The following ROBO2 variants were observed in gnomAD, a reference collection of about 807,000 sequenced individuals.
ROBO2 encodes roundabout homolog 2.
ROBO2 carries 53 observed loss-of-function variants against 160.8 expected under a neutral mutation model. That is an observed-to-expected ratio of 0.33 (90% CI 0.26 to 0.41). The LOEUF is 0.41. Ranked by LOEUF, ROBO2 falls within the 10% of genes least tolerant of loss-of-function variation. The pLI is 1.00. For missense variants in ROBO2, 1,577 were observed against 1,722.4 expected, an observed-to-expected ratio of 0.92 and a Z score of 1.49; for synonymous variants, 664 against 611.7, an observed-to-expected ratio of 1.09 and a Z score of -1.26.
At chr3:77,003,468 T>C (rs979855886) in intron 2 of ROBO2, among the ~76,000 whole-genome samples, 3 of 152,202 alleles carry the variant, frequency 2.0e-5, no homozygotes, top group African/African-American at 4.8e-5. Flanking sequence ...ACCATTAGTC[T>C]TTGTTTTTTT....
At chr3:76,613,685 G>T (rs549973231) in intron 2 of ROBO2, among the ~76,000 whole-genome samples, 1 of 151,788 alleles carries the variant, frequency 6.6e-6, no homozygotes, top group East Asian at 1.9e-4. Context: ...AAGGAGAGGG[G>T]CGTGAGTTAA....
At position 76,601,415 on chromosome 3, in the gene ROBO2, T is replaced by C. The variant is rs982123431; in HGVS notation, c.110-496599T>C. Among the ~76,000 whole-genome samples, 7 of 152,290 alleles carry C rather than the reference T, an allele frequency of 4.6e-5. No homozygotes were observed. In the East Asian group the frequency reaches 9.7e-4, roughly 21 times the overall value. On this transcript the variant is annotated intron_variant, in intron 2 of 26. Transcript: ENST00000487694. ...AGGTTTCCACCCTTGCAGCAAACTT[T>C]AGCCTGGGCATCCAGGCATTTCCAT...
intron 2 of ROBO2, among the ~76,000 whole-genome samples, chr3:76,454,147 A>T (rs1353416848): frequency 6.6e-6 from 1 of 152,162 alleles, no homozygotes; most frequent in African/African-American, 2.4e-5. Flanking sequence ...TTTTGTGAGT[A>T]CTTATTGGAT....
chr3:76,231,359 G>A (rs567349681), intron 2 of ROBO2, among the ~76,000 whole-genome samples: 1 of 152,128 alleles, frequency 6.6e-6, no homozygotes, highest in Non-Finnish European at 1.5e-5. Flanking sequence ...CCACTGCTCT[G>A]CGGTTTTATG....
intron 2 of ROBO2, among the ~76,000 whole-genome samples, chr3:76,196,370 G>A (rs962507005): frequency 6.6e-6 from 1 of 152,022 alleles, no homozygotes; most frequent in African/African-American, 2.4e-5. Context: ...CCGATGTATA[G>A]TCAGCTGTAC....
chr3:76,526,298 TTTTG>T (rs2081942802), intron 2 of ROBO2, among the ~76,000 whole-genome samples: 1 of 151,876 alleles, frequency 6.6e-6, no homozygotes, highest in Non-Finnish European at 1.5e-5. Flanking sequence ...TAAGAGTAGG[TTTTG>T]TTTTCTTTTG....
chr3:77,381,562 TCTGA>T (rs761624261), intron 2 of ROBO2, among the ~76,000 whole-genome samples: 5 of 152,222 alleles, frequency 3.3e-5, no homozygotes, highest in East Asian at 1.9e-4. Context: ...GATTTCATAC[TCTGA>T]CTATTTTTGC....
intron 2 of ROBO2, among the ~76,000 whole-genome samples, chr3:75,971,010 C>A (rs1304769380): frequency 6.6e-6 from 1 of 150,556 alleles, no homozygotes; most frequent in East Asian, 2.0e-4. Flanking sequence ...ACAATAAATT[C>A]AAAACTTTTA....
rs190829113 is a variant in ROBO2, at chr3:76,426,912, T to G, written c.109+489310T>G. Among the ~76,000 whole-genome samples, 9 of 152,228 alleles carry G rather than the reference T, an allele frequency of 5.9e-5. No individual in the cohort carries two copies. The East Asian group carries it at 1.7e-3, about 29-fold the overall frequency. On this transcript the variant is annotated intron_variant, in intron 2 of 26. Transcript: ENST00000487694. ...CATACCCAGTTATATATGAATGAAG[T>G]TACTCTTCGTGATGGTGAGAGCATC...
At chr3:75,998,961 T>C (rs2107551227) in intron 2 of ROBO2, among the ~76,000 whole-genome samples, 1 of 152,320 alleles carries the variant, frequency 6.6e-6, no homozygotes, top group Non-Finnish European at 1.5e-5. Context: ...TTCTCCGCCC[T>C]TTTACTAAAC....
chr3:76,104,548 A>G (rs577044606), intron 2 of ROBO2, among the ~76,000 whole-genome samples: 11 of 152,192 alleles, frequency 7.2e-5, no homozygotes, highest in Non-Finnish European at 1.5e-4. Context: ...AATGTCATTC[A>G]TAGCCATAAA....
At chr3:76,909,253 A>G (rs369052757) in intron 2 of ROBO2, among the ~76,000 whole-genome samples, 32 of 152,180 alleles carry the variant, frequency 2.1e-4, no homozygotes, top group African/African-American at 7.5e-4. Flanking sequence ...GACCTTGTAT[A>G]GTGATCTATT....
chr3:77,262,775 T>C (rs1013465294), intron 2 of ROBO2, among the ~76,000 whole-genome samples: 4 of 152,318 alleles, frequency 2.6e-5, no homozygotes, highest in African/African-American at 9.6e-5. Flanking sequence ...TGGAATATCA[T>C]GAAATAGGCA....
chr3:76,980,553 A>G (rs1289130483), intron 2 of ROBO2, among the ~76,000 whole-genome samples: 1 of 152,202 alleles, frequency 6.6e-6, no homozygotes, highest in Non-Finnish European at 1.5e-5. Flanking sequence ...TTGTTTTAAT[A>G]CAAGTAAAAT....
chr3:76,610,514 G>T (rs2088018689), intron 2 of ROBO2, among the ~76,000 whole-genome samples: 1 of 152,198 alleles, frequency 6.6e-6, no homozygotes, highest in Non-Finnish European at 1.5e-5. Context: ...GGGGCCCCAA[G>T]GGGTGTTATA....
At chr3:77,491,668 T>G (rs1202660006) in intron 4 of ROBO2, among the ~76,000 whole-genome samples, 1 of 152,224 alleles carries the variant, frequency 6.6e-6, no homozygotes, top group Non-Finnish European at 1.5e-5. Flanking sequence ...ATTCAGGGCG[T>G]CTAAAATCTT....
rs1035327811 is a variant in ROBO2 at position 76,565,527 on chromosome 3, A to C, written c.110-532487A>C. Among the ~76,000 whole-genome samples the C allele has an allele frequency of 2.6e-5, 4 of 152,206 alleles. No homozygotes were observed. The East Asian group carries it at 5.8e-4, about 22-fold the overall frequency. ...CTATCTGCACTGTAGTTGAAGCACA[A>C]AATGTTTCCATTTTTCTTCCTTCTG... On this transcript the variant is annotated intron_variant, in intron 2 of 26. Coordinates refer to the ROBO2 transcript ENST00000487694.
chr3:76,451,965 A>G (rs1241410325), intron 2 of ROBO2, among the ~76,000 whole-genome samples: 1 of 152,108 alleles, frequency 6.6e-6, no homozygotes, highest in African/African-American at 2.4e-5. Flanking sequence ...TGTTAGATTT[A>G]TGTTGGTATG....
chr3:77,164,404 C>G (rs1306962349), intron 2 of ROBO2, among the ~76,000 whole-genome samples: 1 of 91,400 alleles, frequency 1.1e-5, no homozygotes, highest in Admixed American at 1.1e-4. Context: ...GTCAGCCCCC[C>G]GCCCGGCCAG....
Sources: gnomAD v4.1 joint callset for allele counts (sites outside exome capture counted in the v4.1 genomes callset) on GRCh38, gnomAD v4.1.1 for gene constraint, MANE v1.5 for transcripts, NCBI Gene and HGNC (gene_info 2026-07-23, HGNC 2026-07-21) for gene names.